GPR158: variants seen among roughly 807,000 people sequenced by gnomAD.
GPR158 encodes the protein G protein-coupled receptor 158, also known as metabotropic glycine receptor.
GPR158 carries 30 observed loss-of-function variants against 78.2 expected under a neutral mutation model. That is an observed-to-expected ratio of 0.38 (90% CI 0.29 to 0.52). The LOEUF (loss-of-function observed/expected upper bound fraction) is 0.52. GPR158 is among the 20% of genes least tolerant of loss of function. GPR158 has a pLI of 0.83. For missense variants in GPR158, 1,463 were observed against 1,523.5 expected, an observed-to-expected ratio of 0.96 and a Z score of 0.66; for synonymous variants, 581 against 591.1, an observed-to-expected ratio of 0.98 and a Z score of 0.25.
intron 2 of GPR158, among the ~76,000 whole-genome samples, chr10:25,366,229 C>A (rs1489435197): frequency 6.6e-6 from 1 of 151,538 alleles, no homozygotes; most frequent in Non-Finnish European, 1.5e-5. Context: ...ATCCACCTAT[C>A]TTTCAGTTGG....
At chr10:25,513,225 T>C (rs1836108331) in intron 5 of GPR158, among the ~76,000 whole-genome samples, 1 of 152,006 alleles carries the variant, frequency 6.6e-6, no homozygotes, top group Non-Finnish European at 1.5e-5. Flanking sequence ...TGTTTGCCAT[T>C]GGTCTGTTCA....
chr10:25,316,534 C>A (rs1264023522), intron 2 of GPR158, among the ~76,000 whole-genome samples: 1 of 152,164 alleles, frequency 6.6e-6, no homozygotes, highest in African/African-American at 2.4e-5. Flanking sequence ...CAATTTCTCA[C>A]ACCTTAGAAT....
chr10:25,430,766 A>T (rs1328509147), intron 4 of GPR158, among the ~76,000 whole-genome samples: 2 of 145,336 alleles, frequency 1.4e-5, no homozygotes, highest in Non-Finnish European at 3.1e-5. Context: ...TGGGGAAAGG[A>T]TTCCCTATTT....
chr10:25,348,538 T>A (rs1308230681), intron 2 of GPR158, among the ~76,000 whole-genome samples: 2 of 151,888 alleles, frequency 1.3e-5, no homozygotes, highest in Non-Finnish European at 2.9e-5. Context: ...AGTACACTGG[T>A]GTCAAAAGTT....
chr10:25,250,167 A>G, intron 2 of GPR158, among the ~76,000 whole-genome samples: 1 of 126,240 alleles, frequency 7.9e-6, no homozygotes, highest in Admixed American at 8.2e-5. Context: ...TATCCCCTTT[A>G]TCATTTTTTA....
chr10:25,275,094 GATC>G (rs1854166577), intron 2 of GPR158, among the ~76,000 whole-genome samples: 1 of 152,142 alleles, frequency 6.6e-6, no homozygotes, highest in Admixed American at 6.5e-5. Flanking sequence ...GCTATTAAAA[GATC>G]ATGTGCTGGG....
intron 2 of GPR158, among the ~76,000 whole-genome samples, chr10:25,347,884 C>T (rs1222857982): frequency 6.6e-6 from 1 of 151,954 alleles, no homozygotes; most frequent in Non-Finnish European, 1.5e-5. Context: ...GAGATCATGC[C>T]AGTGTAAGAA....
chr10:25,200,467 T>C (rs918047079), intron 1 of GPR158, among the ~76,000 whole-genome samples: 1 of 152,180 alleles, frequency 6.6e-6, no homozygotes, highest in Non-Finnish European at 1.5e-5. Flanking sequence ...CTGTGGGGTG[T>C]CTGTTTGCTC....
chr10:25,447,278 A>G (rs1954261), intron 4 of GPR158, among the ~76,000 whole-genome samples: 94,351 of 152,046 alleles, frequency 0.62, 29,684 homozygotes, highest in East Asian at 0.99. Flanking sequence ...TGAAAGAATC[A>G]GGTTTAAATT....
intron 1 of GPR158, among the ~76,000 whole-genome samples, chr10:25,206,915 C>T (rs1424668373): frequency 1.3e-5 from 2 of 150,066 alleles, no homozygotes; most frequent in African/African-American, 4.9e-5. Flanking sequence ...ACGTAAGGCT[C>T]CTAGATCAGA....
At chr10:25,511,367 C>T (rs959474696) in intron 5 of GPR158, among the ~76,000 whole-genome samples, 6 of 152,108 alleles carry the variant, frequency 3.9e-5, no homozygotes, top group African/African-American at 9.7e-5. Context: ...CTACTCATGT[C>T]CTTAGCCCAC....
At chr10:25,299,857 CATT>C (rs1454027198) in intron 2 of GPR158, among the ~76,000 whole-genome samples, 2 of 151,992 alleles carry the variant, frequency 1.3e-5, no homozygotes, top group African/African-American at 4.8e-5. Flanking sequence ...GTCAGAATCT[CATT>C]ATGTCATCCA....
intron 7 of GPR158, among the ~76,000 whole-genome samples, chr10:25,579,369 A>G (rs1341373210): frequency 6.6e-6 from 1 of 152,216 alleles, no homozygotes; most frequent in East Asian, 1.9e-4. Flanking sequence ...CTAGAGTCAA[A>G]TAGACCAGAT....
At chr10:25,229,931 T>C (rs1853426209) in intron 2 of GPR158, among the ~76,000 whole-genome samples, 1 of 152,050 alleles carries the variant, frequency 6.6e-6, no homozygotes, top group Non-Finnish European at 1.5e-5. Context: ...CCTGGATTTG[T>C]TTAAGTCTAA....
chr10:25,346,203 TTC>T (rs1050751440), intron 2 of GPR158, among the ~76,000 whole-genome samples: 1 of 150,090 alleles, frequency 6.7e-6, no homozygotes, highest in Non-Finnish European at 1.5e-5. Context: ...CTTACTGAAG[TTC>T]TCATGTTTCT....
intron 5 of GPR158, among the ~76,000 whole-genome samples, chr10:25,494,389 A>G (rs1835851174): frequency 6.6e-6 from 1 of 152,216 alleles, no homozygotes; most frequent in African/African-American, 2.4e-5. Context: ...TATTCAGTGT[A>G]AAGCTATATG....
intron 5 of GPR158, among the ~76,000 whole-genome samples, chr10:25,521,416 A>G (rs1050116002): frequency 4.6e-5 from 7 of 152,160 alleles, no homozygotes; most frequent in African/African-American, 1.7e-4. Flanking sequence ...ATTTCACTGA[A>G]GATTTTTTTC....
At chr10:25,536,839 C>G (rs1175046710) in intron 5 of GPR158, among the ~76,000 whole-genome samples, 1 of 152,194 alleles carries the variant, frequency 6.6e-6, no homozygotes, top group East Asian at 1.9e-4. Context: ...CTAGGAGCAG[C>G]AGGATTAGCA....
At chr10:25,492,923 A>G (rs1019595893) in intron 5 of GPR158, among the ~76,000 whole-genome samples, 2 of 149,734 alleles carry the variant, frequency 1.3e-5, no homozygotes, top group African/African-American at 2.4e-5. Flanking sequence ...ATATTTCAAT[A>G]TCCAATTTTT....
Sources: allele counts gnomAD v4.1 joint callset (sites outside exome capture counted in the v4.1 genomes callset), GRCh38; gene constraint gnomAD v4.1.1; transcripts MANE v1.5; gene names NCBI Gene and HGNC (gene_info 2026-07-23, HGNC 2026-07-21).